The following KCNC2 variants were observed in gnomAD, a reference collection of about 807,000 sequenced individuals.
KCNC2 encodes voltage-gated potassium channel KCNC2.
KCNC2 carries 21 observed loss-of-function variants against 44.5 expected under a neutral mutation model. The observed-to-expected ratio is 0.47, with a 90% CI of 0.33 to 0.68. The LOEUF (loss-of-function observed/expected upper bound fraction) is 0.68, where lower values mean the gene tolerates loss of function less well. KCNC2 is among the 30% of genes least tolerant of loss of function. The pLI, the probability that KCNC2 is intolerant of heterozygous loss-of-function variation, is 0.01. For synonymous variants in KCNC2, 391 were observed against 339.1 expected, an observed-to-expected ratio of 1.15 and a Z score of -1.68; for missense variants, 589 against 826.2, an observed-to-expected ratio of 0.71 and a Z score of 3.52.
chr12:75,162,481 G>T (rs1428943073), intron 2 of KCNC2, among the ~76,000 whole-genome samples: 1 of 151,618 alleles, frequency 6.6e-6, no homozygotes, highest in African/African-American at 2.4e-5. Context: ...ATATGGCTTT[G>T]GGATTAATAG....
At chr12:75,110,727 T>G (rs1352738967) in intron 2 of KCNC2, among the ~76,000 whole-genome samples, 1 of 152,076 alleles carries the variant, frequency 6.6e-6, no homozygotes, top group Non-Finnish European at 1.5e-5. Context: ...ATGTAATGTA[T>G]TTAATTATAA....
intron 2 of KCNC2, among the ~76,000 whole-genome samples, chr12:75,155,942 AG>A (rs1196634302): frequency 1.3e-5 from 2 of 151,956 alleles, no homozygotes; most frequent in Non-Finnish European, 2.9e-5. Flanking sequence ...ATTGTCATAT[AG>A]AAGCATAAAC....
At chr12:75,067,554 T>C (rs181223286) in intron 2 of KCNC2, among the ~76,000 whole-genome samples, 26 of 152,274 alleles carry the variant, frequency 1.7e-4, no homozygotes, top group Admixed American at 1.7e-3. Context: ...GGAGGAGATA[T>C]TGAACTCTAC....
At chr12:75,132,720 G>T (rs745717631) in intron 2 of KCNC2, among the ~76,000 whole-genome samples, 1 of 151,842 alleles carries the variant, frequency 6.6e-6, no homozygotes, top group East Asian at 1.9e-4. Flanking sequence ...CAAAATAAAG[G>T]GTTTTATGGT....
At chr12:75,071,937 CAAAAAAAAAAAA>C (rs751849483) in intron 2 of KCNC2, among the ~76,000 whole-genome samples, 123 of 67,370 alleles carry the variant, frequency 1.8e-3, no homozygotes, top group South Asian at 2.5e-3. Flanking sequence ...GACTCCTTCT[CAAAAAAAAAAAA>C]AAAAAAAAAA....
intron 2 of KCNC2, among the ~76,000 whole-genome samples, chr12:75,204,703 A>C (rs2031549349): frequency 6.6e-6 from 1 of 152,132 alleles, no homozygotes; most frequent in Non-Finnish European, 1.5e-5. Context: ...TGGCCTCCAC[A>C]TATGATTCTA....
intron 2 of KCNC2, among the ~76,000 whole-genome samples, chr12:75,202,150 T>C (rs1401088080): frequency 1.3e-5 from 2 of 151,932 alleles, no homozygotes; most frequent in African/African-American, 2.4e-5. Flanking sequence ...ACTTTCCTTG[T>C]CTTTTATTTA....
In KCNC2 at chr12:75,207,278, G is replaced by A; in HGVS notation, c.687+19C>T. The A allele has an allele frequency of 6.6e-7, 1 of 1,518,550 alleles. No individual in the cohort carries two copies. Among genetic ancestry groups the A allele is most frequent in the Non-Finnish European group, 8.8e-7 (1 of 1,138,020 alleles). The allele number at this position is 1,518,550 out of a possible 1,614,324, so 94.1% of individuals were successfully genotyped here. A position where few individuals can be genotyped will look rare whatever the true frequency, so the allele number is the denominator to read the frequency against. ...GGGAGAAGTTGAAGCAGCAGGGAAG[G>A]GGTCGATTCTGGCCTTACCCTGGCG... On this transcript the variant is annotated intron_variant, in intron 2 of 4. Transcript: ENST00000549446. This position sits in a 1 kb window ranked among gnomAD's most constrained non-coding sequence, Gnocchi z 4.1.
At chr12:75,076,232 G>A (rs2137058615) in intron 2 of KCNC2, among the ~76,000 whole-genome samples, 1 of 152,056 alleles carries the variant, frequency 6.6e-6, no homozygotes, top group Admixed American at 6.5e-5. Context: ...ATTTGTTCTT[G>A]AACAGTGCCA....
At chr12:75,062,403 A>AT (rs1202233637) in intron 2 of KCNC2, among the ~76,000 whole-genome samples, 1 of 152,034 alleles carries the variant, frequency 6.6e-6, no homozygotes, top group Non-Finnish European at 1.5e-5. Context: ...GTTAACTTTT[A>AT]TTTTTCATTT....
intron 2 of KCNC2, among the ~76,000 whole-genome samples, chr12:75,125,824 C>T (rs1003723716): frequency 6.6e-6 from 1 of 152,128 alleles, no homozygotes. Flanking sequence ...TGGATCACAC[C>T]TTCAAACTGA....
intron 2 of KCNC2, among the ~76,000 whole-genome samples, chr12:75,169,501 A>G (rs971420966): frequency 6.6e-5 from 10 of 151,606 alleles, no homozygotes; most frequent in Admixed American, 1.3e-4. Flanking sequence ...TGGTTGTATA[A>G]TAAGATTACT....
At chr12:75,046,253 T>C (rs1880497395) in intron 4 of KCNC2, among the ~76,000 whole-genome samples, 1 of 151,746 alleles carries the variant, frequency 6.6e-6, no homozygotes, top group African/African-American at 2.4e-5. Context: ...TGAAATAAGA[T>C]TGCATGTATA....
intron 2 of KCNC2, among the ~76,000 whole-genome samples, chr12:75,155,756 C>A (rs1187115318): frequency 6.6e-6 from 1 of 150,948 alleles, no homozygotes; most frequent in Non-Finnish European, 1.5e-5. Context: ...AGATGAAGAG[C>A]AGCAGAGCAC....
rs1879929129 is a variant in KCNC2, at chr12:75,041,750, A to G, written c.*1355T>C. 2 of 992,320 alleles carry G rather than the reference A, an allele frequency of 2.0e-6. No individual in the cohort carries two copies. The highest frequency in any genetic ancestry group is 3.5e-5 in the African/African-American group (2 of 57,394). 61.5% of individuals were successfully genotyped at this position (992,320 alleles called of 1,614,324 possible). On this transcript the variant is annotated 3_prime_UTR_variant, in exon 5 of 5. Coordinates refer to ENST00000549446, the MANE Select transcript of KCNC2 (RefSeq NM_139137.4). ...AGTGCAATGGTGAAATTGCTGCTTA[A>G]ACCCTGCTTATCAAAAAGATTCACA...
chr12:75,110,999 A>G (rs989255847), intron 2 of KCNC2, among the ~76,000 whole-genome samples: 1 of 152,100 alleles, frequency 6.6e-6, no homozygotes, highest in African/African-American at 2.4e-5. Context: ...GACTATATAC[A>G]ATTTTATGGA....
At chr12:75,124,042 T>C (rs1243082320) in intron 2 of KCNC2, 1 of 152,224 alleles carries the variant, frequency 6.6e-6, no homozygotes, top group Non-Finnish European at 1.5e-5. Context: ...AGCGTTCAAA[T>C]CTTCCTGCAT....
chr12:75,113,602 C>T (rs1209669764), intron 2 of KCNC2, among the ~76,000 whole-genome samples: 1 of 152,174 alleles, frequency 6.6e-6, no homozygotes, highest in Non-Finnish European at 1.5e-5. Context: ...CATACCAACA[C>T]CTCCAAATGT....
At chr12:75,164,586 T>A (rs1243645273) in intron 2 of KCNC2, among the ~76,000 whole-genome samples, 3 of 151,732 alleles carry the variant, frequency 2.0e-5, no homozygotes, top group Non-Finnish European at 4.4e-5. Context: ...TCCTCTGGAC[T>A]AAACTGCTGC....
Sources: gnomAD v4.1 joint callset for allele counts (sites outside exome capture counted in the v4.1 genomes callset) on GRCh38, gnomAD v4.1.1 for gene constraint, Gnocchi (gnomAD v3.1) non-coding constraint, MANE v1.5 for transcripts, NCBI Gene and HGNC (gene_info 2026-07-23, HGNC 2026-07-21) for gene names.